The following TDRKH variants were observed in gnomAD, a reference collection of about 807,000 sequenced individuals.
TDRKH encodes tudor and KH domain-containing protein.
Under a neutral mutation model 61.3 loss-of-function variants are expected in TDRKH, and 28 were observed. The observed-to-expected ratio is 0.46, with a 90% CI of 0.34 to 0.63. TDRKH has a LOEUF of 0.63. Among genes scored for constraint, TDRKH ranks in the 20% least tolerant of loss-of-function variants. The pLI is 0.01. For synonymous variants in TDRKH, 219 were observed against 244.4 expected (o/e 0.90, Z 0.97); for missense variants, 540 against 683.4 (o/e 0.79, Z 2.34).
At chr1:151,767,477 G>A, downstream of TDRKH, 1 of 1,289,660 alleles carries the variant, frequency 7.8e-7, no homozygotes, top group South Asian at 1.8e-5. Context: ...GTAAAATCAA[G>A]GTCATACAGA....
At chr1:151,775,244 G>C in intron 10 of TDRKH, 78 bp from the exon 11 acceptor site, 1 of 1,566,202 alleles carries the variant, frequency 6.4e-7, no homozygotes. Context: ...CAGAAGGACT[G>C]ATACTTTAAA....
intron 3 of TDRKH, 55 bp downstream of exon 3, chr1:151,781,426 A>C: frequency 6.6e-7 from 1 of 1,509,348 alleles, no homozygotes; most frequent in South Asian, 1.2e-5. Context: ...GGAAACAAGA[A>C]ATCAATAAAC....
At chr1:151,767,194 C>T, downstream of TDRKH, 1 of 1,614,028 alleles carries the variant, frequency 6.2e-7, no homozygotes, top group Non-Finnish European at 8.5e-7. Flanking sequence ...GGACTTGACA[C>T]TCCAGCCCCG....
At chr1:151,769,708 G>A (rs1367247615), downstream of TDRKH, among the ~76,000 whole-genome samples, 2 of 152,166 alleles carry the variant, frequency 1.3e-5, no homozygotes, top group Non-Finnish European at 2.9e-5. Flanking sequence ...CGGCACTTTG[G>A]GAGGCCAAGG....
intron 1 of TDRKH, among the ~76,000 whole-genome samples, chr1:151,786,607 C>T (rs537936942): frequency 6.6e-6 from 1 of 152,172 alleles, no homozygotes; most frequent in Non-Finnish European, 1.5e-5. Context: ...TTGCATCTGG[C>T]CTCACAGCTT....
At chr1:151,770,340 T>G, downstream of TDRKH, 1 of 1,510,640 alleles carries the variant, frequency 6.6e-7, no homozygotes, top group Non-Finnish European at 8.8e-7. Context: ...CCTCTTCCCC[T>G]GTCTTTAAAA....
chr1:151,787,814 A>C (rs990021438), intron 1 of TDRKH, among the ~76,000 whole-genome samples: 159 of 138,340 alleles, frequency 1.1e-3, no homozygotes, highest in Non-Finnish European at 2.0e-3. Context: ...TCTACAAAAA[A>C]AAAAAAAAAA....
chr1:151,778,144 C>T (rs1388742445), intron 6 of TDRKH, among the ~76,000 whole-genome samples: 1 of 152,156 alleles, frequency 6.6e-6, no homozygotes, highest in African/African-American at 2.4e-5. Context: ...ATTCTCACCA[C>T]ATAGGTCTGC....
In TDRKH at chr1:151,779,186, A is replaced by T; in HGVS notation, c.478T>A (p.Cys160Ser). 1 of 1,614,202 alleles carries T rather than the reference A, an allele frequency of 6.2e-7. No individual in the cohort carries two copies. The highest frequency in any genetic ancestry group is 8.5e-7 in the Non-Finnish European group (1 of 1,180,036). Reference sequence around the variant, plus strand: ...AATGTCCCTTCTGATTCTTTGTCACAGGTAATTTTGGCTCCAGATGCCTTA... The same window carrying T: ...AATGTCCCTTCTGATTCTTTGTCACTGGTAATTTTGGCTCCAGATGCCTTA... Reference protein sequence around the residue: ...ICKASGAKITCDKESEGTLLL... With the variant: ...ICKASGAKITSDKESEGTLLL... The change falls in exon 5 of 13, where the codon TGT (cysteine) becomes AGT (serine). Residue 160 changes from cysteine (C) to serine (S), a missense_variant. Physicochemically the swap from Cys to Ser is moderately radical, Grantham distance 112 (BLOSUM62 -1). This residue lies in a region of TDRKH where 156 missense variants were observed against 218.0 expected (regional missense o/e 0.72). Transcript: ENST00000368824.
chr1:151,770,282 C>T (rs763153748), downstream of TDRKH: 2 of 1,606,534 alleles, frequency 1.2e-6, no homozygotes, highest in East Asian at 4.5e-5. Flanking sequence ...TTCTTCCTTG[C>T]TTTTCGCGCT....
Position 151,775,419 on chromosome 1 carries a change from G to C in TDRKH, c.1407C>G (p.Ile469Met). Residue 469 changes from isoleucine to methionine, a missense_variant, in exon 10 of 13, where the codon ATC (isoleucine) becomes ATG (methionine). Coordinates refer to ENST00000368824, the MANE Select transcript of TDRKH (RefSeq NM_001083965.2). The stretch of plus-strand genomic sequence containing the variant: ...TCCCATTGCTAGTATCATATAAGTA[G>C]ATCTTTGGCCAAGTTGAGATCCCAG... ...VQTGISTWPK[I>M]YLYDTSNGKK... 1 of 1,613,828 alleles carries C rather than the reference G, an allele frequency of 6.2e-7. No homozygotes were observed. The highest frequency in any genetic ancestry group is 1.3e-5 in the African/African-American group (1 of 75,032).
intron 3 of TDRKH, 118 bp downstream of exon 3, chr1:151,781,351 TATACACACACAC>T (rs1481909968): frequency 1.8e-4 from 38 of 210,856 alleles, no homozygotes; most frequent in African/African-American, 9.1e-4. Flanking sequence ...ATATTTTATA[TATACACACACAC>T]ATACACACAC....
At chr1:151,769,058 A>G (rs985752981), downstream of TDRKH, among the ~76,000 whole-genome samples, 96 of 151,904 alleles carry the variant, frequency 6.3e-4, 1 homozygote, top group Admixed American at 9.8e-4. Flanking sequence ...TCCTATGTCT[A>G]CTTCTTTCTA....
chr1:151,781,577 C>T lies in TDRKH; in HGVS notation c.135G>A (p.Leu45=). Residue 45 remains leucine, a synonymous_variant, in exon 3 of 13, where the codon CTG becomes CTA. Coordinates refer to ENST00000368824, the MANE Select transcript of TDRKH (RefSeq NM_001083965.2). Reference sequence around the variant, plus strand: ...CAATGTCATCTTCCCCAACAAATGTCAGCCGCTCTTCTGCACAGATCATTG... The same window carrying T: ...CAATGTCATCTTCCCCAACAAATGTTAGCCGCTCTTCTGCACAGATCATTG... ...RRYRESREER[L]TFVGEDDIEI... is the part of the protein sequence containing the mutation. The T allele has an allele frequency of 9.3e-6, 15 of 1,613,470 alleles. No homozygotes were observed. The highest frequency in any genetic ancestry group is 1.3e-5 in the Non-Finnish European group (15 of 1,179,716).
intron 1 of TDRKH, chr1:151,783,668 A>G (rs999184091): frequency 6.6e-6 from 1 of 151,428 alleles, no homozygotes; most frequent in Non-Finnish European, 1.5e-5. Flanking sequence ...CCTCCACAAA[A>G]CTCTTTCCTT....
chr1:151,777,445 C>CA (rs989001418), intron 6 of TDRKH, among the ~76,000 whole-genome samples: 26 of 145,018 alleles, frequency 1.8e-4, no homozygotes, highest in South Asian at 8.8e-4. Flanking sequence ...GACTCTGTCT[C>CA]AAAAAAAAAA....
chr1:151,767,217 G>C, downstream of TDRKH: 1 of 1,614,028 alleles, frequency 6.2e-7, no homozygotes, highest in Non-Finnish European at 8.5e-7. Context: ...CCTGCCTCCA[G>C]TGCTCCTGAG....
intron 1 of TDRKH, chr1:151,783,647 G>A (rs1371304673): frequency 3.3e-5 from 5 of 152,236 alleles, no homozygotes; most frequent in Admixed American, 6.5e-5. Context: ...GTAGCAGGAA[G>A]GTGGCCACTC....
chr1:151,783,516 T>A (rs575842595), intron 1 of TDRKH: 2 of 152,542 alleles, frequency 1.3e-5, no homozygotes, highest in South Asian at 4.1e-4. Flanking sequence ...GGTTTCTATT[T>A]ATTTACTCCT....
Sources: allele counts gnomAD v4.1 joint callset (sites outside exome capture counted in the v4.1 genomes callset), GRCh38; gene constraint gnomAD v4.1.1; regional missense constraint gnomAD v4.1.1; transcripts MANE v1.5; gene names NCBI Gene and HGNC (gene_info 2026-07-23, HGNC 2026-07-21).